CLVS2: variants seen among roughly 807,000 people sequenced by gnomAD.
CLVS2 encodes clavesin-2.
Under a neutral mutation model 29.0 loss-of-function variants are expected in CLVS2, and 19 were observed. That is an observed-to-expected ratio of 0.66 (90% CI 0.46 to 0.96). The LOEUF (loss-of-function observed/expected upper bound fraction) is 0.96. CLVS2 is among the 40% of genes least tolerant of loss of function. The pLI is 0.00. For synonymous variants in CLVS2, 161 were observed against 151.3 expected, an observed-to-expected ratio of 1.06 and a Z score of -0.47; for missense variants, 294 against 404.1, an observed-to-expected ratio of 0.73 and a Z score of 2.34.
chr6:123,050,391 G>A (rs377246049), intron 4 of CLVS2, among the ~76,000 whole-genome samples: 29 of 152,246 alleles, frequency 1.9e-4, no homozygotes, highest in East Asian at 1.7e-3. Context: ...TAGTACTTAC[G>A]ACACCACTTT....
intron 2 of CLVS2, among the ~76,000 whole-genome samples, chr6:123,010,628 T>C (rs1774734834): frequency 6.6e-6 from 1 of 152,072 alleles, no homozygotes; most frequent in South Asian, 2.1e-4. Flanking sequence ...AATACGAAGA[T>C]ATGAAATGTC....
intron 3 of CLVS2, among the ~76,000 whole-genome samples, chr6:123,013,183 C>T (rs146637517): frequency 6.6e-6 from 1 of 152,050 alleles, no homozygotes; most frequent in East Asian, 1.9e-4. Flanking sequence ...TTTGCATTTG[C>T]TATGTGACAA....
intron 3 of CLVS2, among the ~76,000 whole-genome samples, chr6:123,047,528 C>T (rs139519382): frequency 2.0e-5 from 3 of 152,296 alleles, no homozygotes; most frequent in Admixed American, 6.5e-5. Flanking sequence ...TAATTCACTA[C>T]TGCTCGTAAG....
At chr6:123,013,870 CT>C (rs1774788324) in intron 3 of CLVS2, among the ~76,000 whole-genome samples, 1 of 151,418 alleles carries the variant, frequency 6.6e-6, no homozygotes, top group South Asian at 2.1e-4. Context: ...TCCATGTGCT[CT>C]CATTGTTCAA....
At chr6:123,052,655 C>A (rs1772629282) in intron 4 of CLVS2, among the ~76,000 whole-genome samples, 1 of 151,854 alleles carries the variant, frequency 6.6e-6, no homozygotes, top group African/African-American at 2.4e-5. Context: ...GAGGATAGCA[C>A]CAAAAAGATT....
chr6:123,035,159 GGCAAA>G lies in CLVS2; in HGVS notation c.565-13461_565-13457del, dbSNP rs1309663848. ...GTTTTGTTTTTGGTCAAATCTATGT[GGCAAA>G]GAGAATAAAAGGGATAAAAGCAGAA... is the stretch of plus-strand genomic sequence containing the variant. On this transcript the variant is annotated intron_variant, in intron 3 of 5. Coordinates refer to ENST00000275162, the MANE Select transcript of CLVS2 (RefSeq NM_001010852.4). Among the ~76,000 whole-genome samples, 2 of 151,908 alleles carry G rather than the reference GGCAAA, an allele frequency of 1.3e-5. 1 individual carries two copies. The highest frequency in any genetic ancestry group is 2.9e-5 in the Non-Finnish European group (2 of 67,986).
intron 2 of CLVS2, among the ~76,000 whole-genome samples, chr6:122,999,481 A>C (rs1379303632): frequency 6.6e-6 from 1 of 152,184 alleles, no homozygotes; most frequent in Non-Finnish European, 1.5e-5. Flanking sequence ...GAGGGAATGG[A>C]GTTTTGTTAC....
Position 123,065,603 on chromosome 6 carries a change from C to T in CLVS2, c.*1842C>T, listed in dbSNP as rs1772842005. The T allele has an allele frequency of 6.6e-6, 1 of 151,892 alleles. No homozygotes were observed. The allele number at this position is 151,892 out of a possible 1,614,324, so 9.4% of individuals were successfully genotyped here. A position where few individuals can be genotyped will look rare whatever the true frequency, so the allele number is the denominator to read the frequency against. ...AGAGATTGGAATGCACTGGGGACAA[C>T]ATGTCTCAGCAGTTCTTACCTTTAT... On this transcript the variant is annotated 3_prime_UTR_variant, in exon 6 of 6. Transcript: ENST00000275162.
chr6:123,024,962 A>C (rs1774980564), intron 3 of CLVS2, among the ~76,000 whole-genome samples: 1 of 152,132 alleles, frequency 6.6e-6, no homozygotes, highest in Non-Finnish European at 1.5e-5. Flanking sequence ...CAGCTATCCC[A>C]ATATACGCCT....
intron 5 of CLVS2, 40 bp downstream of exon 5, chr6:123,056,066 C>A (rs1453684172): frequency 3.0e-6 from 4 of 1,352,054 alleles, no homozygotes; most frequent in Admixed American, 3.6e-5. Context: ...TGGGCCAGGG[C>A]AGGGAGAGGC....
At chr6:123,055,245 T>C (rs564522396) in intron 4 of CLVS2, among the ~76,000 whole-genome samples, 3 of 152,356 alleles carry the variant, frequency 2.0e-5, no homozygotes, top group East Asian at 1.9e-4. Flanking sequence ...ATTATGACGA[T>C]GCTAATCTAC....
chr6:122,996,787 T>G (rs1393047001), intron 1 of CLVS2, 41 bp downstream of exon 1: 1 of 165,662 alleles, frequency 6.0e-6, no homozygotes, highest in African/African-American at 2.4e-5. Flanking sequence ...CTTTGGGGTT[T>G]TATAGAAAAG....
intron 3 of CLVS2, among the ~76,000 whole-genome samples, chr6:123,043,625 C>T (rs541673608): frequency 4.7e-4 from 72 of 152,282 alleles, no homozygotes; most frequent in Non-Finnish European, 8.2e-4. Context: ...CATATTAACA[C>T]AACTGATTGG....
intron 3 of CLVS2, among the ~76,000 whole-genome samples, chr6:123,032,203 G>A (rs889814250): frequency 5.3e-5 from 8 of 151,770 alleles, no homozygotes; most frequent in African/African-American, 9.7e-5. Flanking sequence ...GATTTTTCCC[G>A]GTAGGCTTTT....
intron 5 of CLVS2, among the ~76,000 whole-genome samples, chr6:123,057,278 C>T (rs1772705441): frequency 1.3e-5 from 2 of 151,010 alleles, no homozygotes. Context: ...CCTTAAGGCC[C>T]TTTGCCCATA....
intron 3 of CLVS2, among the ~76,000 whole-genome samples, chr6:123,011,616 T>G (rs1329316146): frequency 6.6e-6 from 1 of 152,024 alleles, no homozygotes; most frequent in East Asian, 1.9e-4. Context: ...GCAAAGATCA[T>G]CTCTCTAAAT....
At chr6:123,002,215 A>T (rs1015263967) in intron 2 of CLVS2, among the ~76,000 whole-genome samples, 3 of 152,198 alleles carry the variant, frequency 2.0e-5, no homozygotes, top group African/African-American at 7.2e-5. Context: ...GCCACCTTGC[A>T]TGGTCTTTGG....
At chr6:123,055,687 T>C (rs1332240962) in intron 4 of CLVS2, 119 bp from the exon 5 acceptor site, 1 of 718,470 alleles carries the variant, frequency 1.4e-6, no homozygotes, top group Non-Finnish European at 2.4e-6. Context: ...CTAAAGTACT[T>C]TAACAGACAT....
chr6:122,997,930 T>C lies in CLVS2; in HGVS notation c.153T>C (p.Asp51=). Residue 51 remains aspartate (D), a synonymous_variant, in exon 2 of 6, where the codon GAT becomes GAC. Transcript: ENST00000275162. ...RPDIGFLRTD[D]AFILRFLRAR... is the part of the protein sequence containing the mutation. ...ACATTGGCTTTCTGCGCACGGATGA[T>C]GCCTTCATCTTACGCTTCTTGCGGG... is the stretch of plus-strand genomic sequence containing the variant. 6.2e-7 allele frequency: 1 copy of C among 1,614,198 alleles called. No individual in the cohort carries two copies. The highest frequency in any genetic ancestry group is 1.1e-5 in the South Asian group (1 of 91,080).
Sources: gnomAD v4.1 joint callset for allele counts (sites outside exome capture counted in the v4.1 genomes callset) on GRCh38, gnomAD v4.1.1 for gene constraint, MANE v1.5 for transcripts, NCBI Gene and HGNC (gene_info 2026-07-23, HGNC 2026-07-21) for gene names.